KDELR2: variants seen among roughly 807,000 people sequenced by gnomAD.
The protein encoded by KDELR2 is ER lumen protein-retaining receptor 2.
KDELR2 carries 15 observed loss-of-function variants against 23.9 expected under a neutral mutation model. The observed-to-expected ratio is 0.63, with a 90% CI of 0.42 to 0.97. The LOEUF (loss-of-function observed/expected upper bound fraction) is 0.97. Ranked by LOEUF, KDELR2 falls within the 50% of genes least tolerant of loss-of-function variation. The pLI, the probability that KDELR2 is intolerant of heterozygous loss-of-function variation, is 0.00. For synonymous variants in KDELR2, 119 were observed against 106.2 expected (o/e 1.12, Z -0.74); for missense variants, 272 against 254.6 (o/e 1.07, Z -0.46).
intron 1 of KDELR2, among the ~76,000 whole-genome samples, chr7:6,477,265 A>G (rs1433680541): frequency 1.3e-5 from 2 of 152,222 alleles, no homozygotes; most frequent in African/African-American, 4.8e-5. Flanking sequence ...GTGGTCCCAC[A>G]CTGTTCTTCC....
chr7:6,466,222 G>C lies in KDELR2; in HGVS notation c.453C>G (p.Tyr151Ter). 3 of 1,614,202 alleles carry C rather than the reference G, an allele frequency of 1.9e-6. No individual in the cohort carries two copies. The highest frequency in any genetic ancestry group is 2.5e-6 in the Non-Finnish European group (3 of 1,180,040). The change falls in exon 4 of 5, where the codon TAC (tyrosine) becomes TAG (stop). Residue 151 changes from tyrosine to a stop codon, truncating the protein, a stop_gained. Transcript: ENST00000258739. LOFTEE classifies it high-confidence loss of function. ...TGEAETITTH[Y>*]LFFLGLYRAL... is the part of the protein sequence containing the mutation. ...CACGATAGAGGCCCAGGAAGAACAGGTAGTGGGTGGTGATGGTCTCGGCCT... is the reference window on the plus strand; with the variant it reads ...CACGATAGAGGCCCAGGAAGAACAGCTAGTGGGTGGTGATGGTCTCGGCCT...
At chr7:6,481,262 AGGAGGCTGAGGAGAATCGCTTGAACCCG>A (rs1417347352) in intron 1 of KDELR2, among the ~76,000 whole-genome samples, 2 of 150,966 alleles carry the variant, frequency 1.3e-5, no homozygotes, top group Non-Finnish European at 2.9e-5. Flanking sequence ...CCAGCTAATC[AGGAGGCTGAGGAGAATCGCTTGAACCCG>A]GGAGGCAGAG....
rs577683231 is a variant in KDELR2 at position 6,482,066 on chromosome 7, G to A, written c.91+1901C>T. Among the ~76,000 whole-genome samples, 9 of 151,816 alleles carry A rather than the reference G, an allele frequency of 5.9e-5. No homozygotes were observed. The South Asian group carries it at 1.7e-3, about 28-fold the overall frequency. On this transcript the variant is annotated intron_variant, in intron 1 of 4. Coordinates refer to ENST00000258739, the MANE Select transcript of KDELR2 (RefSeq NM_006854.4). ...TGCCCAGGCTGGAGTGCAATGGCGCGATCTCAGCTCACCGCAATCTCCGCC... is the reference window on the plus strand; with the variant it reads ...TGCCCAGGCTGGAGTGCAATGGCGCAATCTCAGCTCACCGCAATCTCCGCC...
rs1472964556 is a variant in KDELR2, at chr7:6,466,267, A to G, written c.408T>C (p.Phe136=). ...LESVAILPQL[F]MISKTGEAET... is the part of the protein sequence containing the mutation. ...CGGCCTCCCCAGTCTTGCTGATCAT[A>G]AATAGCTGCGGAAGGATAGCCACGG... The change falls in exon 4 of 5, where the codon TTT becomes TTC. Residue 136 remains phenylalanine (F), a synonymous_variant. Transcript: ENST00000258739. The G allele has an allele frequency of 1.2e-6, 2 of 1,614,098 alleles. No homozygotes were observed. Among genetic ancestry groups the G allele is most frequent in the Non-Finnish European group, 1.7e-6 (2 of 1,179,952 alleles).
chr7:6,464,855 C>T (rs975989184), intron 4 of KDELR2, among the ~76,000 whole-genome samples: 1 of 151,406 alleles, frequency 6.6e-6, no homozygotes, highest in Non-Finnish European at 1.5e-5. Context: ...CCTGCCTCAG[C>T]CCCCCAAGTA....
At position 6,483,977 on chromosome 7, in the gene KDELR2, G is replaced by C; in HGVS notation, c.81C>G (p.Arg27=). The C allele has an allele frequency of 6.5e-7, 1 of 1,530,302 alleles. No homozygotes were observed. The allele number at this position is 1,530,302 out of a possible 1,614,324, so 94.8% of individuals were successfully genotyped here. A position where few individuals can be genotyped will look rare whatever the true frequency, so the allele number is the denominator to read the frequency against. The stretch of plus-strand genomic sequence containing the variant: ...TCCCCCGCCGCTCACCGGCGCAGGA[G>C]CGCGTCTTCCAGATCTTCAGCAGCA... The part of the protein sequence containing the change: ...VILLLKIWKT[R]SCAGISGKSQ... The change falls in exon 1 of 5, where the codon CGC becomes CGG. Residue 27 remains arginine, a synonymous_variant. Coordinates refer to ENST00000258739, the MANE Select transcript of KDELR2 (RefSeq NM_006854.4).
chr7:6,479,311 C>A (rs117853744), intron 1 of KDELR2, among the ~76,000 whole-genome samples: 7 of 151,954 alleles, frequency 4.6e-5, no homozygotes, highest in Non-Finnish European at 7.4e-5. Context: ...CGCACCACCA[C>A]GGCTGGCTAA....
intron 1 of KDELR2, among the ~76,000 whole-genome samples, chr7:6,479,458 A>G (rs1340450760): frequency 6.6e-6 from 1 of 152,014 alleles, no homozygotes; most frequent in Non-Finnish European, 1.5e-5. Context: ...ACCGGCCAAG[A>G]ACAAAAACTT....
At position 6,463,031 on chromosome 7, in the gene KDELR2, CAA is replaced by C. The variant is rs1785420120; in HGVS notation, c.*108_*109del. 2 of 1,614,156 alleles carry C rather than the reference CAA, an allele frequency of 1.2e-6. No homozygotes were observed. Among genetic ancestry groups the C allele is most frequent in the Non-Finnish European group, 1.7e-6 (2 of 1,180,016 alleles). ...CAGAGCCACTGATGACTATCTGCAA[CAA>C]AAGAGTTAAGTTTCTGATTTTCCGT... On this transcript the variant is annotated 3_prime_UTR_variant, in exon 5 of 5. Transcript: ENST00000258739.
chr7:6,477,687 G>GTC (rs959600249), intron 1 of KDELR2, among the ~76,000 whole-genome samples: 3 of 152,324 alleles, frequency 2.0e-5, no homozygotes, highest in African/African-American at 7.2e-5. Flanking sequence ...TCGAGATGGG[G>GTC]TCTCTCTCTG....
chr7:6,463,051 T>C lies in KDELR2; in HGVS notation c.*90A>G. On this transcript the variant is annotated 3_prime_UTR_variant, in exon 5 of 5. Transcript: ENST00000258739. ...TGCAACAAAAGAGTTAAGTTTCTGA[T>C]TTTCCGTATCAAGCATCTTATGCCT... is the stretch of plus-strand genomic sequence containing the variant. 1.2e-6 allele frequency: 2 copies of C among 1,614,202 alleles called. No homozygotes were observed. Among genetic ancestry groups the C allele is most frequent in the South Asian group, 1.1e-5 (1 of 91,090 alleles).
rs773818390 is a variant in KDELR2 at position 6,463,218 on chromosome 7, T to C, written c.605-43A>G. The C allele has an allele frequency of 2.6e-6, 4 of 1,532,078 alleles. No homozygotes were observed. In the East Asian group the frequency reaches 9.0e-5, roughly 35 times the overall value. The allele number at this position is 1,532,078 out of a possible 1,614,324, so 94.9% of individuals were successfully genotyped here. Reference sequence around the variant, plus strand: ...AGAAAAGAAAACAAAAGGTTACTGATATTGACAAACTTAGCTTCCTTCTTC... The same window carrying C: ...AGAAAAGAAAACAAAAGGTTACTGACATTGACAAACTTAGCTTCCTTCTTC... On this transcript the variant is annotated intron_variant, in intron 4 of 4. Transcript: ENST00000258739.
At chr7:6,464,311 G>C (rs1412754445) in intron 4 of KDELR2, among the ~76,000 whole-genome samples, 1 of 148,334 alleles carries the variant, frequency 6.7e-6, no homozygotes, top group Admixed American at 6.8e-5. Context: ...ACGAGGTTGG[G>C]AGTTCAAGAC....
chr7:6,471,898 GT>G (rs1785652568), intron 2 of KDELR2, among the ~76,000 whole-genome samples: 1 of 110,060 alleles, frequency 9.1e-6, no homozygotes, highest in Non-Finnish European at 1.8e-5. Context: ...TTAAGTGTAA[GT>G]TTAACTTTTT....
rs1488414405 is a variant in KDELR2 at position 6,461,835 on chromosome 7, A to G, written c.*1306T>C. On this transcript the variant is annotated 3_prime_UTR_variant, in exon 5 of 5. Coordinates refer to ENST00000258739, the MANE Select transcript of KDELR2 (RefSeq NM_006854.4). ...CATATACTTTTGCATTAATCAAAAA[A>G]TAGCAAATCCATATAATGGCAAAAT... The G allele has an allele frequency of 1.3e-5, 2 of 152,170 alleles. No homozygotes were observed. The highest frequency in any genetic ancestry group is 6.6e-5 in the Admixed American group (1 of 15,246). The allele number at this position is 152,170 out of a possible 1,614,324, so 9.4% of individuals were successfully genotyped here. A position where few individuals can be genotyped will look rare whatever the true frequency, so the allele number is the denominator to read the frequency against.
chr7:6,464,722 G>T (rs1326323333), intron 4 of KDELR2, among the ~76,000 whole-genome samples: 2 of 142,114 alleles, frequency 1.4e-5, no homozygotes, highest in African/African-American at 5.2e-5. Flanking sequence ...AGACATATAT[G>T]CTCTTTTTTT....
rs921914501 is a variant in KDELR2, at chr7:6,478,163, G to GT, written c.92-3880dup. 1.2e-3 allele frequency among the ~76,000 whole-genome samples: 180 copies of GT among 147,832 alleles called. No individual in the cohort carries two copies. The East Asian group carries it at 0.015, about 12-fold the overall frequency. On this transcript the variant is annotated intron_variant, in intron 1 of 4. Transcript: ENST00000258739. ...TTTTTCTTTGCTTGCCCGCCCCCCGGTTTTTTTTTTGAGACAGAACCTCAC... is the reference window on the plus strand; with the variant it reads ...TTTTTCTTTGCTTGCCCGCCCCCCGGTTTTTTTTTTTGAGACAGAACCTCAC...
At chr7:6,471,176 GTTTTTTTTTT>G (rs1161325162) in intron 2 of KDELR2, among the ~76,000 whole-genome samples, 2 of 72,614 alleles carry the variant, frequency 2.8e-5, no homozygotes, top group Non-Finnish European at 5.0e-5. Flanking sequence ...ATTTGTTTCG[GTTTTTTTTTT>G]TTTTTTTTTT....
chr7:6,472,894 GTTC>G, intron 2 of KDELR2, among the ~76,000 whole-genome samples: 1 of 124,280 alleles, frequency 8.0e-6, no homozygotes, highest in East Asian at 2.1e-4. Flanking sequence ...GAGAGCCCCT[GTTC>G]TTTTTTTTTT....
Sources: gnomAD v4.1 joint callset for allele counts (sites outside exome capture counted in the v4.1 genomes callset) on GRCh38, gnomAD v4.1.1 for gene constraint, MANE v1.5 for transcripts, NCBI Gene and HGNC (gene_info 2026-07-23, HGNC 2026-07-21) for gene names.